The following DCLK2 variants were observed in gnomAD, a reference collection of about 807,000 sequenced individuals.
The protein encoded by DCLK2 is serine/threonine-protein kinase DCLK2.
A neutral mutation model predicts 78.4 loss-of-function variants in DCLK2; 31 were observed. The ratio of observed to expected loss-of-function variants is 0.40; its 90% CI spans 0.30 to 0.53. The LOEUF is 0.53. Ranked by LOEUF, DCLK2 falls within the 20% of genes least tolerant of loss-of-function variation. The pLI is 0.61. For missense variants in DCLK2, 872 were observed against 973.7 expected (o/e 0.90, Z 1.39); for synonymous variants, 407 against 374.9 (o/e 1.09, Z -0.99).
chr4:150,227,655 A>G (rs1031413819), intron 8 of DCLK2, among the ~76,000 whole-genome samples: 2 of 152,234 alleles, frequency 1.3e-5, no homozygotes, highest in South Asian at 2.1e-4. Context: ...TGAGAATGCT[A>G]TGGTATTTAT....
rs139129184 is a variant in DCLK2, at chr4:150,168,421, C to T, written c.757-24717C>T. ...TCAAGTCACCTACTTAGCCCTCTTC[C>T]AAGTGTAAAGACTTCCTTTCATTCC... On this transcript the variant is annotated intron_variant, in intron 2 of 15. Coordinates refer to ENST00000296550, the MANE Select transcript of DCLK2 (RefSeq NM_001040260.4). Among the ~76,000 whole-genome samples the T allele has an allele frequency of 8.2e-3, 1,254 of 152,058 alleles. 12 individuals are homozygous for T. The highest frequency in any genetic ancestry group is 0.013 in the Non-Finnish European group (868 of 68,008).
Position 150,129,972 on chromosome 4 carries a change from T to A in DCLK2, c.756+27160T>A, listed in dbSNP as rs1191201347. ...TTAGGCGAATTTGGTGACATTATATTGTATAATGGTTCCTGGTTAATGGCT... is the reference window on the plus strand; with the variant it reads ...TTAGGCGAATTTGGTGACATTATATAGTATAATGGTTCCTGGTTAATGGCT... On this transcript the variant is annotated intron_variant, in intron 2 of 15. Coordinates refer to ENST00000296550, the MANE Select transcript of DCLK2 (RefSeq NM_001040260.4). 3.3e-5 allele frequency among the ~76,000 whole-genome samples: 5 copies of A among 152,132 alleles called. No homozygotes were observed. The East Asian group carries it at 7.7e-4, about 23-fold the overall frequency.
intron 12 of DCLK2, among the ~76,000 whole-genome samples, chr4:150,247,341 G>A (rs1004295306): frequency 5.9e-5 from 9 of 152,166 alleles, no homozygotes; most frequent in Middle Eastern, 3.4e-3. Flanking sequence ...TTCCCAAACC[G>A]AAACTCTGCA....
chr4:150,249,470 G>A, intron 14 of DCLK2, 98 bp from the exon 15 acceptor site: 1 of 921,242 alleles, frequency 1.1e-6, no homozygotes, highest in Non-Finnish European at 1.8e-6. Flanking sequence ...GAAGAGGTCA[G>A]GAGGGTGGTT....
At chr4:150,107,996 A>G (rs576595684) in intron 2 of DCLK2, among the ~76,000 whole-genome samples, 4 of 152,278 alleles carry the variant, frequency 2.6e-5, no homozygotes, top group South Asian at 4.1e-4. Flanking sequence ...GTGAAGTGTA[A>G]GGAATCATTT....
intron 2 of DCLK2, among the ~76,000 whole-genome samples, chr4:150,151,193 C>A (rs1281175977): frequency 6.6e-6 from 1 of 152,170 alleles, no homozygotes; most frequent in Non-Finnish European, 1.5e-5. Flanking sequence ...ACATCACATC[C>A]CAGCTATATA....
At chr4:150,214,214 C>G in intron 5 of DCLK2, among the ~76,000 whole-genome samples, 1 of 152,170 alleles carries the variant, frequency 6.6e-6, no homozygotes, top group Non-Finnish European at 1.5e-5. Flanking sequence ...CTGCCAGAAA[C>G]TTCATCCACA....
chr4:150,219,828 G>A (rs1408642058), intron 5 of DCLK2, among the ~76,000 whole-genome samples: 1 of 152,202 alleles, frequency 6.6e-6, no homozygotes, highest in Non-Finnish European at 1.5e-5. Context: ...CAGAACAAGT[G>A]GTGGGAAACA....
intron 2 of DCLK2, among the ~76,000 whole-genome samples, chr4:150,176,464 TG>T (rs1409853119): frequency 2.0e-5 from 3 of 152,198 alleles, no homozygotes; most frequent in African/African-American, 7.2e-5. Context: ...CATATCCACC[TG>T]CCTACGTTCC....
At chr4:150,247,537 G>T in intron 12 of DCLK2, 66 bp from the exon 13 acceptor site, 1 of 1,426,244 alleles carries the variant, frequency 7.0e-7, no homozygotes, top group Non-Finnish European at 9.8e-7. Flanking sequence ...CTCTTCCTGT[G>T]GACATTTTGT....
intron 5 of DCLK2, among the ~76,000 whole-genome samples, chr4:150,210,427 T>C (rs1352721850): frequency 6.6e-6 from 1 of 152,170 alleles, no homozygotes; most frequent in African/African-American, 2.4e-5. Context: ...ATCACCAACT[T>C]TTCCTCTCAA....
chr4:150,251,391 A>C (rs558070804), intron 15 of DCLK2, among the ~76,000 whole-genome samples: 2 of 1,758 alleles, frequency 1.1e-3, no homozygotes, highest in Non-Finnish European at 1.8e-3. Context: ...ATCCCCACAC[A>C]CCTCACACCC....
chr4:150,092,358 A>G (rs560725004), intron 1 of DCLK2, among the ~76,000 whole-genome samples: 1 of 152,212 alleles, frequency 6.6e-6, no homozygotes, highest in African/African-American at 2.4e-5. Flanking sequence ...TGAAAGTTTT[A>G]TTTTTAATTT....
chr4:150,213,907 A>T (rs1332998712), intron 5 of DCLK2, among the ~76,000 whole-genome samples: 2 of 152,196 alleles, frequency 1.3e-5, no homozygotes, highest in Non-Finnish European at 2.9e-5. Flanking sequence ...TGGGCTCTGG[A>T]GTCAGCCCTG....
In DCLK2 at chr4:150,196,659, C is replaced by T. The variant is rs1424949334; in HGVS notation, c.860-1343C>T. On this transcript the variant is annotated intron_variant, in intron 3 of 15. Coordinates refer to ENST00000296550, the MANE Select transcript of DCLK2 (RefSeq NM_001040260.4). ...GTAAATTTTATTCTTATCCCAATTT[C>T]ACTGGGGCAAAAAAAAAAAACTCAG... Among the ~76,000 whole-genome samples the T allele has an allele frequency of 7.6e-5, 8 of 105,580 alleles. No individual in the cohort carries two copies. In the East Asian group the frequency reaches 1.9e-3, roughly 25 times the overall value. 69.3% of individuals were successfully genotyped at this position (105,580 alleles called of 152,430 possible).
rs551319493 is a variant in DCLK2, at chr4:150,131,075, T to C, written c.756+28263T>C. ...TCTTGCTTGGTTGCCCAGGCTGGAG[T>C]GCAGTGGTGTGATCATAGCTCACTG... is the stretch of plus-strand genomic sequence containing the variant. On this transcript the variant is annotated intron_variant, in intron 2 of 15. Transcript: ENST00000296550. Among the ~76,000 whole-genome samples the C allele has an allele frequency of 2.6e-5, 4 of 152,214 alleles. No individual in the cohort carries two copies. In the East Asian group the frequency reaches 7.7e-4, roughly 29 times the overall value.
intron 1 of DCLK2, among the ~76,000 whole-genome samples, chr4:150,086,629 A>C (rs937160204): frequency 2.6e-5 from 4 of 151,536 alleles, no homozygotes; most frequent in African/African-American, 9.7e-5. Context: ...GCCTCAGCCT[A>C]CCGAGTAGCT....
chr4:150,216,500 G>A (rs952047932), intron 5 of DCLK2, among the ~76,000 whole-genome samples: 9 of 152,126 alleles, frequency 5.9e-5, no homozygotes, highest in Admixed American at 2.6e-4. Context: ...TTAGTCGGGC[G>A]TGGTGGCGGG....
intron 8 of DCLK2, among the ~76,000 whole-genome samples, chr4:150,226,983 TA>T (rs1741670328): frequency 1.3e-5 from 2 of 152,242 alleles, no homozygotes; most frequent in Non-Finnish European, 2.9e-5. Flanking sequence ...TGCTATTTGT[TA>T]AAATGTATTA....
Sources: gnomAD v4.1 joint callset for allele counts (sites outside exome capture counted in the v4.1 genomes callset) on GRCh38, gnomAD v4.1.1 for gene constraint, MANE v1.5 for transcripts, NCBI Gene and HGNC (gene_info 2026-07-23, HGNC 2026-07-21) for gene names.